Variants in TTYH2 observed in about 807,000 individuals in gnomAD.
TTYH2 encodes protein tweety homolog 2.
A neutral mutation model predicts 68.3 loss-of-function variants in TTYH2; 49 were observed. The ratio of observed to expected loss-of-function variants is 0.72; its 90% CI spans 0.57 to 0.91. The LOEUF is 0.91. Among genes scored for constraint, TTYH2 ranks in the 40% least tolerant of loss-of-function variants. The pLI is 0.00. For synonymous variants in TTYH2, 272 were observed against 300.8 expected (o/e 0.90, Z 0.99); for missense variants, 631 against 700.4 (o/e 0.90, Z 1.12).
rs1286826842 is a variant in TTYH2 at position 74,260,502 on chromosome 17, C to T, written c.*293C>T. On this transcript the variant is annotated 3_prime_UTR_variant, in exon 14 of 14. Transcript: ENST00000269346. ...TGCCTGGCCCTGCTCACCCCTACGC[C>T]TCGCCCTTGCCAGGAGGGGAGTGGC... The T allele has an allele frequency of 1.2e-5, 5 of 425,222 alleles. No homozygotes were observed. The highest frequency in any genetic ancestry group is 2.2e-5 in the Non-Finnish European group (5 of 227,540). The allele number at this position is 425,222 out of a possible 1,614,324, so 26.3% of individuals were successfully genotyped here.
intron 2 of TTYH2, among the ~76,000 whole-genome samples, chr17:74,226,449 A>AG (rs1315326238): frequency 1.4e-5 from 2 of 146,770 alleles, no homozygotes; most frequent in East Asian, 4.2e-4. Flanking sequence ...TGCACGTGGG[A>AG]GGGGGGTTGG....
chr17:74,241,554 T>C lies in TTYH2; in HGVS notation c.636-1820T>C, dbSNP rs2050501178. ...GGAGTCAGAAAGAACCTCCCTTGGC[T>C]GCCAGGCCTCCAGCTTGCTCCCTCC... On this transcript the variant is annotated intron_variant, in intron 4 of 13. Transcript: ENST00000269346. This position sits in a 1 kb window ranked among gnomAD's most constrained non-coding sequence, Gnocchi z 4.1. Among the ~76,000 whole-genome samples the C allele has an allele frequency of 6.6e-6, 1 of 152,202 alleles. No individual in the cohort carries two copies. Among genetic ancestry groups the C allele is most frequent in the Non-Finnish European group, 1.5e-5 (1 of 68,034 alleles).
chr17:74,250,375 G>C lies in TTYH2; in HGVS notation c.1116+18G>C. The stretch of plus-strand genomic sequence containing the variant: ...TGCACAAGGTGCATGGGGACCCTGG[G>C]GTCACGTGGAGAGTGTGAGGGCACC... On this transcript the variant is annotated intron_variant, in intron 10 of 13. Coordinates refer to ENST00000269346, the MANE Select transcript of TTYH2 (RefSeq NM_032646.6). The C allele has an allele frequency of 1.2e-6, 2 of 1,608,046 alleles. No individual in the cohort carries two copies. The highest frequency in any genetic ancestry group is 2.7e-5 in the African/African-American group (2 of 74,910).
chr17:74,253,031 G>C (rs374933425), intron 11 of TTYH2, 50 bp from the exon 12 acceptor site: 2 of 1,598,116 alleles, frequency 1.3e-6, no homozygotes, highest in Non-Finnish European at 1.7e-6. Flanking sequence ...TGGCTGCCTC[G>C]GAGCCTCCTT....
rs78259260 is a variant in TTYH2, at chr17:74,235,032, G to A, written c.415-2262G>A. Among the ~76,000 whole-genome samples the A allele has an allele frequency of 4.3e-3, 647 of 152,190 alleles. 1 individual carries two copies. The highest frequency in any genetic ancestry group is 0.014 in the African/African-American group (582 of 41,506). The stretch of plus-strand genomic sequence containing the variant: ...AATCTGCACATGGTAGAGTGTCTCC[G>A]TACTCTGGTATCTCTTAGTCCTTAA... On this transcript the variant is annotated intron_variant, in intron 3 of 13. Coordinates refer to ENST00000269346, the MANE Select transcript of TTYH2 (RefSeq NM_032646.6).
Position 74,215,021 on chromosome 17 carries a change from C to T in TTYH2, c.129+1305C>T, listed in dbSNP as rs533723394. Among the ~76,000 whole-genome samples, 14 of 152,238 alleles carry T rather than the reference C, an allele frequency of 9.2e-5. No homozygotes were observed. The highest frequency in any genetic ancestry group is 3.9e-4 in the Admixed American group (6 of 15,306). On this transcript the variant is annotated intron_variant, in intron 1 of 13. Transcript: ENST00000269346. The surrounding 1 kb of genome is among the most constrained non-coding windows in gnomAD (Gnocchi z 4.3). The stretch of plus-strand genomic sequence containing the variant: ...GTTCAGTGGGCACTCAGGAGCAAGA[C>T]GGCAGTCGGTGGACCCACCCCCCTC...
chr17:74,227,983 C>CTTTTTT lies in TTYH2; in HGVS notation c.303-2892_303-2887dup, dbSNP rs35080135. ...GAAGGAGGTTTCTTTTCTTTTCTTT[C>CTTTTTT]TTTTTTTTTTTTTTTTTTGAGATAG... On this transcript the variant is annotated intron_variant, in intron 2 of 13. Transcript: ENST00000269346. 7.0e-3 allele frequency among the ~76,000 whole-genome samples: 788 copies of CTTTTTT among 112,452 alleles called. 67 individuals are homozygous for CTTTTTT. Among genetic ancestry groups the CTTTTTT allele is most frequent in the African/African-American group, 0.035 (748 of 21,494 alleles). 73.8% of individuals were successfully genotyped at this position (112,452 alleles called of 152,430 possible). A position where few individuals can be genotyped will look rare whatever the true frequency, so the allele number is the denominator to read the frequency against.
In TTYH2 at chr17:74,230,956, C is replaced by A; in HGVS notation, c.371C>A (p.Ser124Tyr). 6.2e-7 allele frequency: 1 copy of A among 1,614,180 alleles called. No homozygotes were observed. Among genetic ancestry groups the A allele is most frequent in the Non-Finnish European group, 8.5e-7 (1 of 1,180,028 alleles). The stretch of plus-strand genomic sequence containing the variant: ...GATGGGGCGTACCAGCTGATGTACT[C>A]CTTGGACGATGCCAACCACACCTTC... ...TNDGAYQLMYSLDDANHTFSG... is the reference protein window; with the variant it reads ...TNDGAYQLMYYLDDANHTFSG... The change falls in exon 3 of 14, where the codon TCC (serine) becomes TAC (tyrosine). Residue 124 changes from serine to tyrosine, a missense_variant. By Grantham distance (144) the Ser-to-Tyr change is moderately radical. Transcript: ENST00000269346.
At chr17:74,257,346 C>T (rs2050703276) in intron 13 of TTYH2, among the ~76,000 whole-genome samples, 1 of 152,150 alleles carries the variant, frequency 6.6e-6, no homozygotes. Flanking sequence ...CTGGGAAGAC[C>T]CTTCCACCTC....
At position 74,241,299 on chromosome 17, in the gene TTYH2, G is replaced by A. The variant is rs948456821; in HGVS notation, c.636-2075G>A. Reference sequence around the variant, plus strand: ...TGTGTGTGTGTGTGTGTGTGTGTGCGTGTAAAAATAAGAATGTGATCCAAA... The same window carrying A: ...TGTGTGTGTGTGTGTGTGTGTGTGCATGTAAAAATAAGAATGTGATCCAAA... On this transcript the variant is annotated intron_variant, in intron 4 of 13. Coordinates refer to ENST00000269346, the MANE Select transcript of TTYH2 (RefSeq NM_032646.6). The surrounding 1 kb of genome is among the most constrained non-coding windows in gnomAD (Gnocchi z 4.1). Among the ~76,000 whole-genome samples the A allele has an allele frequency of 4.6e-5, 7 of 150,616 alleles. No homozygotes were observed. Among genetic ancestry groups the A allele is most frequent in the Admixed American group, 2.6e-4 (4 of 15,122 alleles).
At chr17:74,244,661 C>A (rs1442757889) in intron 6 of TTYH2, among the ~76,000 whole-genome samples, 8 of 152,106 alleles carry the variant, frequency 5.3e-5, no homozygotes, top group Non-Finnish European at 8.8e-5. Flanking sequence ...CTAACACTGG[C>A]GCTAAGCTGT....
intron 13 of TTYH2, among the ~76,000 whole-genome samples, chr17:74,257,669 G>T (rs758906484): frequency 6.6e-6 from 1 of 152,162 alleles, no homozygotes; most frequent in South Asian, 2.1e-4. Context: ...TGCCTTCAAG[G>T]AATAATCTCT....
intron 6 of TTYH2, among the ~76,000 whole-genome samples, chr17:74,245,704 G>A (rs951638828): frequency 2.6e-5 from 4 of 152,216 alleles, no homozygotes; most frequent in African/African-American, 7.2e-5. Context: ...GGCTTTTGAC[G>A]GGCTGGAGAT....
rs548170134 is a variant in TTYH2, at chr17:74,253,721, C to G, written c.1446-34C>G. 6 of 1,608,916 alleles carry G rather than the reference C, an allele frequency of 3.7e-6. No individual in the cohort carries two copies. The African/African-American group carries it at 5.3e-5, about 14-fold the overall frequency. On this transcript the variant is annotated intron_variant, in intron 12 of 13. Transcript: ENST00000269346. Reference sequence around the variant, plus strand: ...TCTACACACACCCCCACTCCCACACCATCCCCTCCTGAGCTCTCCTCTCAT... The same window carrying G: ...TCTACACACACCCCCACTCCCACACGATCCCCTCCTGAGCTCTCCTCTCAT...
At chr17:74,227,743 A>G (rs2050344580) in intron 2 of TTYH2, among the ~76,000 whole-genome samples, 1 of 143,192 alleles carries the variant, frequency 7.0e-6, no homozygotes, top group South Asian at 2.1e-4. Context: ...AGCATGCAGG[A>G]ACCTTGTTTT....
intron 6 of TTYH2, among the ~76,000 whole-genome samples, chr17:74,247,668 C>G (rs573789197): frequency 6.6e-6 from 1 of 152,302 alleles, no homozygotes; most frequent in Non-Finnish European, 1.5e-5. Context: ...AAGGCTTCCC[C>G]ATCCTCCACT....
chr17:74,222,788 CTTTTTT>C lies in TTYH2; in HGVS notation c.302+139_302+144del. 1 of 936,154 alleles carries C rather than the reference CTTTTTT, an allele frequency of 1.1e-6. No homozygotes were observed. Among genetic ancestry groups the C allele is most frequent in the Non-Finnish European group, 1.5e-6 (1 of 680,964 alleles). The allele number at this position is 936,154 out of a possible 1,614,324, so 58.0% of individuals were successfully genotyped here. The stretch of plus-strand genomic sequence containing the variant: ...GCTTGTCCCCAGATGAATGTTGTCC[CTTTTTT>C]TTTTTTTACCAAGCATCAGGAATCA... On this transcript the variant is annotated intron_variant, in intron 2 of 13. Coordinates refer to ENST00000269346, the MANE Select transcript of TTYH2 (RefSeq NM_032646.6). The surrounding 1 kb of genome is among the most constrained non-coding windows in gnomAD (Gnocchi z 5.2).
In TTYH2 at chr17:74,260,466, C is replaced by T. The variant is rs1357946615; in HGVS notation, c.*257C>T. The stretch of plus-strand genomic sequence containing the variant: ...GCTTGGCTGCCTCAGAGGTACCATC[C>T]CTGAGCTGGCTGCCTGGCCCTGCTC... On this transcript the variant is annotated 3_prime_UTR_variant, in exon 14 of 14. Coordinates refer to ENST00000269346, the MANE Select transcript of TTYH2 (RefSeq NM_032646.6). The T allele has an allele frequency of 7.8e-6, 4 of 514,662 alleles. No individual in the cohort carries two copies. Among genetic ancestry groups the T allele is most frequent in the Non-Finnish European group, 1.1e-5 (3 of 283,088 alleles). 31.9% of individuals were successfully genotyped at this position (514,662 alleles called of 1,614,324 possible).
rs938182960 is a variant in TTYH2, at chr17:74,249,453, C to T, written c.930+54C>T. ...CTGCCCACAGCCGCTCCCCCTTGAC[C>T]CTAAGCCTCACCACTGACCAAGATG... On this transcript the variant is annotated intron_variant, in intron 8 of 13. Transcript: ENST00000269346. The T allele has an allele frequency of 3.1e-5, 49 of 1,593,044 alleles. 1 individual carries two copies. Among genetic ancestry groups the T allele is most frequent in the South Asian group, 3.0e-4 (27 of 90,702 alleles).
Sources: allele counts gnomAD v4.1 joint callset (sites outside exome capture counted in the v4.1 genomes callset), GRCh38; gene constraint gnomAD v4.1.1; non-coding constraint Gnocchi (gnomAD v3.1); transcripts MANE v1.5; gene names NCBI Gene and HGNC (gene_info 2026-07-23, HGNC 2026-07-21).